Variants in PTPN23 observed in about 807,000 individuals in gnomAD.
The protein encoded by PTPN23 is tyrosine-protein phosphatase non-receptor type 23.
In PTPN23, 72 loss-of-function variants were observed where a neutral mutation model predicts 156.3. The observed-to-expected ratio is 0.46, with a 90% CI of 0.38 to 0.56. PTPN23 has a LOEUF of 0.56. PTPN23 is among the 20% of genes least tolerant of loss of function. The probability of loss-of-function intolerance (pLI) is 0.00; values close to 1 mark genes in which losing one functional copy is unlikely to be tolerated. For missense variants in PTPN23, 1,974 were observed against 2,171.5 expected (o/e 0.91, Z 1.81); for synonymous variants, 957 against 899.6 (o/e 1.06, Z -1.14).
In PTPN23 at chr3:47,405,460, A is replaced by G. The variant is rs1705099990; in HGVS notation, c.365-289A>G. On this transcript the variant is annotated intron_variant, in intron 4 of 24. Coordinates refer to ENST00000265562, the MANE Select transcript of PTPN23 (RefSeq NM_015466.4). The surrounding 1 kb of genome is among the most constrained non-coding windows in gnomAD (Gnocchi z 4.7). The stretch of plus-strand genomic sequence containing the variant: ...AGTCAGCCTTAGCCTGGCTCAAGGG[A>G]GAAGCTTGGGGAGCCCCAGAGTTCT... The G allele has an allele frequency of 1.8e-6, 1 of 544,378 alleles. No homozygotes were observed. The highest frequency in any genetic ancestry group is 3.3e-6 in the Non-Finnish European group (1 of 304,560). 33.7% of individuals were successfully genotyped at this position (544,378 alleles called of 1,614,324 possible). A position where few individuals can be genotyped will look rare whatever the true frequency, so the allele number is the denominator to read the frequency against.
At chr3:47,403,102 G>C (rs952280729) in intron 2 of PTPN23, among the ~76,000 whole-genome samples, 1 of 151,150 alleles carries the variant, frequency 6.6e-6, no homozygotes, top group Admixed American at 6.6e-5. Flanking sequence ...CCAGGCTGGA[G>C]TGCAGTGGCG....
chr3:47,396,650 C>T (rs1704885264), intron 2 of PTPN23, among the ~76,000 whole-genome samples: 1 of 151,838 alleles, frequency 6.6e-6, no homozygotes, highest in African/African-American at 2.4e-5. Context: ...ATGTGTGACT[C>T]ATGCCTATGA....
intron 1 of PTPN23, among the ~76,000 whole-genome samples, chr3:47,388,512 G>A (rs1286526522): frequency 6.6e-6 from 1 of 151,946 alleles, no homozygotes; most frequent in Non-Finnish European, 1.5e-5. Context: ...TGGCCAAACA[G>A]GTATAGTAAT....
intron 2 of PTPN23, among the ~76,000 whole-genome samples, chr3:47,397,505 G>A (rs567032057): frequency 6.6e-6 from 1 of 152,312 alleles, no homozygotes; most frequent in East Asian, 1.9e-4. Context: ...TACCAGTAAT[G>A]TAGATACATG....
intron 22 of PTPN23, 21 bp from the exon 23 acceptor site, chr3:47,412,262 C>T (rs765938804): frequency 9.9e-6 from 16 of 1,612,872 alleles, no homozygotes; most frequent in Non-Finnish European, 1.1e-5. Context: ...ACCCCGGCCT[C>T]ATAACCCCTT....
rs1705258054 is a variant in PTPN23, at chr3:47,410,680, C to T, written c.2882C>T (p.Pro961Leu). 3.1e-6 allele frequency: 5 copies of T among 1,608,888 alleles called. No individual in the cohort carries two copies. In the Admixed American group the frequency reaches 8.4e-5, roughly 27 times the overall value. The change falls in exon 20 of 25, where the codon CCC (proline) becomes CTC (leucine). Residue 961 changes from proline to leucine, a missense_variant. Physicochemically the swap from Pro to Leu is moderately conservative, Grantham distance 98. Coordinates refer to ENST00000265562, the MANE Select transcript of PTPN23 (RefSeq NM_015466.4). The stretch of plus-strand genomic sequence containing the variant: ...CCCCAGCCCCAGCCCCATCCTCAGC[C>T]CCATCCTTCACAAGCGTTTGGGCCT... ...IGPQPQPHPQ[P>L]HPSQAFGPQP...
chr3:47,408,027 C>T, intron 14 of PTPN23, 72 bp downstream of exon 14: 1 of 1,517,670 alleles, frequency 6.6e-7, no homozygotes, highest in South Asian at 1.2e-5. Context: ...CCCAGGGCTG[C>T]CTATGCTGGG....
intron 1 of PTPN23, among the ~76,000 whole-genome samples, chr3:47,385,810 C>G (rs937590176): frequency 1.3e-5 from 2 of 152,176 alleles, no homozygotes; most frequent in Non-Finnish European, 2.9e-5. Flanking sequence ...TCTTCATCTC[C>G]CATCCTCCCA....
chr3:47,397,673 C>T (rs994028620), intron 2 of PTPN23, among the ~76,000 whole-genome samples: 1 of 152,076 alleles, frequency 6.6e-6, no homozygotes, highest in Non-Finnish European at 1.5e-5. Context: ...AAGATATTTT[C>T]TTTTTTCTTT....
Position 47,407,607 on chromosome 3 carries a change from G to A in PTPN23, c.1003+23G>A, listed in dbSNP as rs1284776684. 9.3e-6 allele frequency: 15 copies of A among 1,608,900 alleles called. No homozygotes were observed. Among genetic ancestry groups the A allele is most frequent in the African/African-American group, 1.3e-5 (1 of 74,808 alleles). ...AAGGTCGGGGAGCTGAGAGGTGGGG[G>A]CAGAGGTGACGGTGGGGTGGGGACA... is the stretch of plus-strand genomic sequence containing the variant. On this transcript the variant is annotated intron_variant, in intron 12 of 24. Coordinates refer to ENST00000265562, the MANE Select transcript of PTPN23 (RefSeq NM_015466.4). This position sits in a 1 kb window ranked among gnomAD's most constrained non-coding sequence, Gnocchi z 4.0.
chr3:47,388,779 C>T (rs1008477013), intron 1 of PTPN23, among the ~76,000 whole-genome samples: 2 of 151,738 alleles, frequency 1.3e-5, no homozygotes, highest in African/African-American at 4.8e-5. Context: ...TTTCTACTGC[C>T]TCAGCCTCCC....
chr3:47,401,094 G>A (rs1029675174), intron 2 of PTPN23, among the ~76,000 whole-genome samples: 1 of 151,398 alleles, frequency 6.6e-6, no homozygotes, highest in Admixed American at 6.6e-5. Flanking sequence ...GTAGAGACAG[G>A]GTTTCACCTT....
Position 47,406,883 on chromosome 3 carries a change from T to A in PTPN23, c.807+133T>A. 2.4e-6 allele frequency: 3 copies of A among 1,264,524 alleles called. No individual in the cohort carries two copies. Among genetic ancestry groups the A allele is most frequent in the East Asian group, 2.5e-5 (1 of 39,656 alleles). The allele number at this position is 1,264,524 out of a possible 1,614,324, so 78.3% of individuals were successfully genotyped here. A position where few individuals can be genotyped will look rare whatever the true frequency, so the allele number is the denominator to read the frequency against. On this transcript the variant is annotated intron_variant, in intron 9 of 24. Coordinates refer to ENST00000265562, the MANE Select transcript of PTPN23 (RefSeq NM_015466.4). This position sits in a 1 kb window ranked among gnomAD's most constrained non-coding sequence, Gnocchi z 5.8. ...GGCCATCACCCTGCTGGAGGCCTGG[T>A]GTCTTAAGTGTTGTCCCATCTGTGC...
At chr3:47,385,849 A>G (rs1266605161) in intron 1 of PTPN23, among the ~76,000 whole-genome samples, 2 of 151,884 alleles carry the variant, frequency 1.3e-5, no homozygotes, top group African/African-American at 2.4e-5. Flanking sequence ...CTAAATCTCT[A>G]CTTTCCCATC....
chr3:47,399,505 T>C (rs1304997808), intron 2 of PTPN23, among the ~76,000 whole-genome samples: 1 of 152,196 alleles, frequency 6.6e-6, no homozygotes. Flanking sequence ...TCTTAGCCCC[T>C]GGGGCAACCG....
intron 1 of PTPN23, among the ~76,000 whole-genome samples, chr3:47,384,455 C>CAAAAAAAAA (rs56896052): frequency 1.3e-5 from 1 of 78,476 alleles, no homozygotes; most frequent in Non-Finnish European, 2.3e-5. Flanking sequence ...GAGACTGTCT[C>CAAAAAAAAA]AAAAAAAAAA....
At position 47,409,918 on chromosome 3, in the gene PTPN23, T is replaced by C. The variant is rs1453040735; in HGVS notation, c.2130-10T>C. ...AGCCTGGCCCCACTTTTTCCTTGCC[T>C]GTCGCACAGGGAGCTGAAGAAGAAG... On this transcript the variant is annotated splice_polypyrimidine_tract_variant and intron_variant, in intron 19 of 24. Coordinates refer to ENST00000265562, the MANE Select transcript of PTPN23 (RefSeq NM_015466.4). The C allele has an allele frequency of 3.2e-6, 5 of 1,571,742 alleles. No individual in the cohort carries two copies. Among genetic ancestry groups the C allele is most frequent in the East Asian group, 4.5e-5 (2 of 44,342 alleles).
intron 1 of PTPN23, among the ~76,000 whole-genome samples, chr3:47,384,455 C>A (rs77743753): frequency 4.3e-3 from 341 of 78,392 alleles, no homozygotes; most frequent in African/African-American, 6.4e-3. Context: ...GAGACTGTCT[C>A]AAAAAAAAAA....
In PTPN23 at chr3:47,409,321, G is replaced by A. The variant is rs1705208141; in HGVS notation, c.1797+4G>A. On this transcript the variant is annotated splice_donor_region_variant and intron_variant, in intron 17 of 24. Transcript: ENST00000265562. ...CACAGACCACTCAGAGATGAAGGTG[G>A]GCTGGGTGAGCAGGGTAGAGGGGCT... is the stretch of plus-strand genomic sequence containing the variant. The A allele has an allele frequency of 6.2e-7, 1 of 1,613,838 alleles. No homozygotes were observed. The highest frequency in any genetic ancestry group is 8.5e-7 in the Non-Finnish European group (1 of 1,179,978).
Sources: allele counts gnomAD v4.1 joint callset (sites outside exome capture counted in the v4.1 genomes callset), GRCh38; gene constraint gnomAD v4.1.1; non-coding constraint Gnocchi (gnomAD v3.1); transcripts MANE v1.5; gene names NCBI Gene and HGNC (gene_info 2026-07-23, HGNC 2026-07-21).